Variants in TRIM9 observed in about 807,000 individuals in gnomAD.
TRIM9 encodes the protein tripartite motif containing 9, also known as E3 ubiquitin-protein ligase TRIM9.
In TRIM9, 26 loss-of-function variants were observed where a neutral mutation model predicts 78.3. The observed-to-expected ratio is 0.33, with a 90% CI of 0.24 to 0.46. The LOEUF (loss-of-function observed/expected upper bound fraction) is 0.46, where lower values mean the gene tolerates loss of function less well. Among genes scored for constraint, TRIM9 ranks in the 20% least tolerant of loss-of-function variants. The pLI, the probability that TRIM9 is intolerant of heterozygous loss-of-function variation, is 1.00. For synonymous variants in TRIM9, 398 were observed against 416.5 expected (o/e 0.96, Z 0.54); for missense variants, 787 against 1,036.4 (o/e 0.76, Z 3.30).
chr14:51,022,826 A>G lies in TRIM9; in HGVS notation c.1041+9T>C. The G allele has an allele frequency of 6.2e-7, 1 of 1,614,048 alleles. No homozygotes were observed. The highest frequency in any genetic ancestry group is 8.5e-7 in the Non-Finnish European group (1 of 1,179,982). On this transcript the variant is annotated intron_variant, in intron 3 of 12. Transcript: ENST00000684578. ...TGGCTTTCTGCTCTTCCCATGATGC[A>G]GCACTCACCTTCAGCTTGTGCTCAT...
intron 1 of TRIM9, among the ~76,000 whole-genome samples, chr14:51,090,186 A>G (rs2064170808): frequency 6.6e-6 from 1 of 152,222 alleles, no homozygotes; most frequent in Non-Finnish European, 1.5e-5. Context: ...TTCTAATTGT[A>G]CTAGAAGTAA....
At chr14:50,986,338 C>T (rs938445675) in intron 7 of TRIM9, 194 bp from the exon 8 acceptor site, 3 of 398,046 alleles carry the variant, frequency 7.5e-6, no homozygotes, top group Non-Finnish European at 1.3e-5. Context: ...GGACCCAAGA[C>T]CAGAGGACAC....
At position 51,018,790 on chromosome 14, in the gene TRIM9, A is replaced by C. The variant is rs549203090; in HGVS notation, c.1041+4045T>G. On this transcript the variant is annotated intron_variant, in intron 3 of 12. Coordinates refer to ENST00000684578, the MANE Select transcript of TRIM9 (RefSeq NM_001387360.1). Reference sequence around the variant, plus strand: ...TTACCAACCACACATGGAAACTGAAAGCTAGAATTTTTCCCCAGAATCATT... The same window carrying C: ...TTACCAACCACACATGGAAACTGAACGCTAGAATTTTTCCCCAGAATCATT... 1.3e-4 allele frequency among the ~76,000 whole-genome samples: 20 copies of C among 152,326 alleles called. No individual in the cohort carries two copies. In the South Asian group the frequency reaches 4.1e-3, roughly 32 times the overall value.
At chr14:50,997,008 A>C in intron 7 of TRIM9, 1 of 985,386 alleles carries the variant, frequency 1.0e-6, no homozygotes, top group Non-Finnish European at 1.2e-6. Flanking sequence ...GGGAAAAAAA[A>C]CACCACCATA....
chr14:51,010,263 G>A (rs2056411072), intron 4 of TRIM9, 121 bp downstream of exon 4: 3 of 690,732 alleles, frequency 4.3e-6, no homozygotes, highest in Non-Finnish European at 5.0e-6. Flanking sequence ...TGCAGTGTGA[G>A]GTAGGTTCTG....
At position 50,977,111 on chromosome 14, in the gene TRIM9, G is replaced by A. The variant is rs2051145918; in HGVS notation, c.*180C>T. ...AAGCGGAAGCAGGCATGACAGCGGA[G>A]GAGAGGTTGAAAGGGAAAAGGGCAG... On this transcript the variant is annotated 3_prime_UTR_variant, in exon 13 of 13. Transcript: ENST00000684578. 2 of 399,220 alleles carry A rather than the reference G, an allele frequency of 5.0e-6. No homozygotes were observed. The highest frequency in any genetic ancestry group is 2.1e-5 in the African/African-American group (1 of 48,564). 24.7% of individuals were successfully genotyped at this position (399,220 alleles called of 1,614,324 possible).
At chr14:51,049,223 G>A (rs1335241323) in intron 1 of TRIM9, among the ~76,000 whole-genome samples, 3 of 151,984 alleles carry the variant, frequency 2.0e-5, no homozygotes, top group Non-Finnish European at 4.4e-5. Flanking sequence ...CATCACACCC[G>A]GCTAATTTGT....
intron 1 of TRIM9, among the ~76,000 whole-genome samples, chr14:51,092,882 G>A (rs893929967): frequency 6.6e-6 from 1 of 152,160 alleles, no homozygotes; most frequent in Non-Finnish European, 1.5e-5. Flanking sequence ...GGGAACTAGC[G>A]GGTGTCTGGG....
chr14:50,981,682 TG>T, intron 11 of TRIM9, 117 bp downstream of exon 11: 1 of 1,338,904 alleles, frequency 7.5e-7, no homozygotes, highest in Non-Finnish European at 1.0e-6. Flanking sequence ...TGCTACTTAA[TG>T]TAGACCACCT....
At chr14:51,047,960 A>C (rs991210825) in intron 1 of TRIM9, among the ~76,000 whole-genome samples, 1 of 14,740 alleles carries the variant, frequency 6.8e-5, no homozygotes, top group East Asian at 1.6e-3. Flanking sequence ...ACCCTGTCTC[A>C]AAAAAAAAAA....
chr14:50,986,291 T>C, intron 7 of TRIM9, 147 bp from the exon 8 acceptor site: 2 of 639,704 alleles, frequency 3.1e-6, no homozygotes, highest in Non-Finnish European at 4.5e-6. Context: ...ACAAAACCAA[T>C]GTGCCTGGGG....
intron 3 of TRIM9, among the ~76,000 whole-genome samples, chr14:51,012,631 C>T (rs749205309): frequency 1.1e-4 from 16 of 152,148 alleles, no homozygotes; most frequent in Non-Finnish European, 2.2e-4. Context: ...TGAGGGATCA[C>T]CATACTGTTT....
chr14:51,026,854 C>T (rs34158603), intron 1 of TRIM9, among the ~76,000 whole-genome samples: 9,499 of 152,184 alleles, frequency 0.062, 345 homozygotes, highest in Middle Eastern at 0.17. Flanking sequence ...GTGGGAAGAA[C>T]AGTAATACTT....
At chr14:51,031,785 T>A (rs772108756) in intron 1 of TRIM9, among the ~76,000 whole-genome samples, 3 of 152,240 alleles carry the variant, frequency 2.0e-5, no homozygotes, top group Non-Finnish European at 4.4e-5. Flanking sequence ...CAGGGCAATC[T>A]CTGGGCAATG....
chr14:50,986,236 A>T (rs1167294868), intron 7 of TRIM9, 92 bp from the exon 8 acceptor site: 2 of 1,098,704 alleles, frequency 1.8e-6, no homozygotes, highest in Non-Finnish European at 2.4e-6. Flanking sequence ...CAATGCATTC[A>T]TACAAAGCCT....
chr14:51,004,548 C>T (rs1322650478), intron 5 of TRIM9, among the ~76,000 whole-genome samples: 1 of 152,118 alleles, frequency 6.6e-6, no homozygotes, highest in African/African-American at 2.4e-5. Flanking sequence ...AGCTGGGCTC[C>T]CAACCTCAAC....
rs766344041 is a variant in TRIM9 at position 50,982,019 on chromosome 14, T to G, written c.1943A>C (p.Tyr648Ser). Residue 648 changes from tyrosine (Y) to serine (S), a missense_variant, in exon 11 of 13, where the codon TAT becomes TCT. Physicochemically the swap from Tyr to Ser is moderately radical, Grantham distance 144. This residue lies in a region of TRIM9 where 421 missense variants were observed against 514.3 expected (regional missense o/e 0.82). Transcript: ENST00000684578. ...NDNLTVTCSS[Y>S]DDRVVLGKTG... ...CTTCCCTAGCACCACCCGGTCATCA[T>G]AGCTACTACAGGTCACTGTCAGGTT... The G allele has an allele frequency of 6.2e-6, 10 of 1,614,162 alleles. No homozygotes were observed. The East Asian group carries it at 1.8e-4, about 29-fold the overall frequency.
chr14:51,092,539 T>C (rs759583406), intron 1 of TRIM9, among the ~76,000 whole-genome samples: 1 of 152,192 alleles, frequency 6.6e-6, no homozygotes, highest in Non-Finnish European at 1.5e-5. Context: ...CTGGACACTA[T>C]CTTCACTGCT....
chr14:51,042,254 T>C (rs1041816484), intron 1 of TRIM9, among the ~76,000 whole-genome samples: 4 of 152,156 alleles, frequency 2.6e-5, no homozygotes, highest in African/African-American at 9.7e-5. Flanking sequence ...CAGCAGAAGA[T>C]AGTTATGGCC....
Sources: gnomAD v4.1 joint callset for allele counts (sites outside exome capture counted in the v4.1 genomes callset) on GRCh38, gnomAD v4.1.1 for gene constraint, gnomAD v4.1.1 regional missense constraint, MANE v1.5 for transcripts, NCBI Gene and HGNC (gene_info 2026-07-23, HGNC 2026-07-21) for gene names.